The following MAGT1 variants were observed in gnomAD, a reference collection of about 807,000 sequenced individuals.
The protein encoded by MAGT1 is dolichyl-diphosphooligosaccharide--protein glycosyltransferase subunit MAGT1.
MAGT1 carries 4 observed loss-of-function variants against 28.4 expected under a neutral mutation model. The observed-to-expected ratio is 0.14, with a 90% CI of 0.07 to 0.32. The LOEUF is 0.32. Among genes scored for constraint, MAGT1 ranks in the 10% least tolerant of loss-of-function variants. MAGT1 has a pLI of 1.00. For synonymous variants in MAGT1, 89 were observed against 89.7 expected (o/e 0.99, Z 0.04); for missense variants, 193 against 264.5 (o/e 0.73, Z 1.88).
chrX:77,881,430 A>C (rs2077052180), intron 1 of MAGT1, among the ~76,000 whole-genome samples: 7 of 58,753 alleles, frequency 1.2e-4, no homozygotes, highest in East Asian at 6.6e-4. Flanking sequence ...CCACCCCACA[A>C]CAGGCCCCGG....
Position 77,855,608 on chromosome X carries a change from A to T in MAGT1, c.673-18T>A. 1 of 1,104,949 alleles carries T rather than the reference A, an allele frequency of 9.1e-7. No homozygotes were observed. Among genetic ancestry groups the T allele is most frequent in the Non-Finnish European group, 1.3e-6 (1 of 799,508 alleles). 91.1% of individuals were successfully genotyped at this position (1,104,949 alleles called of 1,213,427 possible). A position where few individuals can be genotyped will look rare whatever the true frequency, so the allele number is the denominator to read the frequency against. ...ACAAAACACTAGGAAACAAAAAAATAATAAAATATTCATGGTCAAACTGTT... is the reference window on the plus strand; with the variant it reads ...ACAAAACACTAGGAAACAAAAAAATTATAAAATATTCATGGTCAAACTGTT... On this transcript the variant is annotated intron_variant, in intron 5 of 9. Transcript: ENST00000618282.
chrX:77,884,856 G>T (rs1408479023), intron 1 of MAGT1, among the ~76,000 whole-genome samples: 1 of 108,513 alleles, frequency 9.2e-6, no homozygotes, highest in Non-Finnish European at 1.9e-5. Context: ...AGGCCGAGGC[G>T]GGTGGATCAC....
intron 8 of MAGT1, among the ~76,000 whole-genome samples, chrX:77,840,265 A>G (rs1282632728): frequency 9.4e-6 from 1 of 106,153 alleles, no homozygotes; most frequent in African/African-American, 3.4e-5. Flanking sequence ...AAAGAAAAAA[A>G]AAACCCCAAA....
chrX:77,838,587 G>A (rs1475289661), intron 8 of MAGT1, among the ~76,000 whole-genome samples: 6 of 109,615 alleles, frequency 5.5e-5, no homozygotes, highest in African/African-American at 2.0e-4. Context: ...GTGAAATCCC[G>A]TCTCTACTAA....
chrX:77,874,542 G>A (rs1222094122), intron 2 of MAGT1, among the ~76,000 whole-genome samples: 1 of 103,783 alleles, frequency 9.6e-6, no homozygotes, highest in Non-Finnish European at 2.0e-5. Flanking sequence ...GCTGCAGTGA[G>A]TCAAGATCAC....
rs201786151 is a variant in MAGT1, at chrX:77,834,269, T to TAC, written c.902-3375_902-3374insGT. On this transcript the variant is annotated intron_variant, in intron 8 of 9. Transcript: ENST00000618282. ...GCATATATATACATGTGTGTATATA[T>TAC]GCATATATGTATATATATGCATATA... Among the ~76,000 whole-genome samples the TAC allele has an allele frequency of 3.0e-5, 3 of 98,454 alleles. No homozygotes were observed. The Admixed American group carries it at 3.4e-4, about 11-fold the overall frequency. 85.5% of individuals were successfully genotyped at this position (98,454 alleles called of 115,157 possible). A position where few individuals can be genotyped will look rare whatever the true frequency, so the allele number is the denominator to read the frequency against.
intron 3 of MAGT1, 53 bp downstream of exon 3, chrX:77,870,755 C>T: frequency 1.2e-6 from 1 of 849,578 alleles, no homozygotes; most frequent in East Asian, 3.1e-5. Context: ...ATATATTCCA[C>T]TTTCACTATA....
At chrX:77,890,652 G>A (rs2077079706) in intron 1 of MAGT1, among the ~76,000 whole-genome samples, 1 of 111,954 alleles carries the variant, frequency 8.9e-6, no homozygotes, top group Non-Finnish European at 1.9e-5. Context: ...AAGATCAACT[G>A]CAAAACATTT....
At chrX:77,850,194 G>A (rs1171314785) in intron 7 of MAGT1, among the ~76,000 whole-genome samples, 1 of 110,923 alleles carries the variant, frequency 9.0e-6, no homozygotes, top group Non-Finnish European at 1.9e-5. Context: ...AGAAAGTGGG[G>A]GCCGGGTGAG....
intron 7 of MAGT1, among the ~76,000 whole-genome samples, chrX:77,841,686 T>G (rs2076935126): frequency 9.3e-6 from 1 of 107,467 alleles, no homozygotes. Flanking sequence ...TGGCTTTTTT[T>G]TTTTTTTGAG....
chrX:77,831,081 G>A lies in MAGT1; in HGVS notation c.902-186C>T, dbSNP rs782190279. Among the ~76,000 whole-genome samples the A allele has an allele frequency of 2.7e-5, 3 of 110,245 alleles. No individual in the cohort carries two copies. In the East Asian group the frequency reaches 8.5e-4, roughly 31 times the overall value. On this transcript the variant is annotated intron_variant, in intron 8 of 9. Coordinates refer to ENST00000618282, the MANE Select transcript of MAGT1 (RefSeq NM_001367916.1). ...CGCCCAGGCCGGAGTGCAGCGGCGCGATCTCGGCTCACTGCAAGCTCCGCC... is the reference window on the plus strand; with the variant it reads ...CGCCCAGGCCGGAGTGCAGCGGCGCAATCTCGGCTCACTGCAAGCTCCGCC...
chrX:77,878,786 A>G, intron 1 of MAGT1, among the ~76,000 whole-genome samples: 1 of 98,700 alleles, frequency 1.0e-5, no homozygotes, highest in Admixed American at 1.1e-4. Context: ...GTGAAACTCT[A>G]TCTCAAAAAA....
At chrX:77,883,098 TATA>T (rs1161952410) in intron 1 of MAGT1, among the ~76,000 whole-genome samples, 7 of 102,492 alleles carry the variant, frequency 6.8e-5, no homozygotes, top group African/African-American at 1.4e-4. Context: ...ATTATATTAA[TATA>T]ATAACATAAT....
At chrX:77,889,762 C>T (rs1337766599) in intron 1 of MAGT1, among the ~76,000 whole-genome samples, 3 of 111,873 alleles carry the variant, frequency 2.7e-5, no homozygotes, top group African/African-American at 6.5e-5. Context: ...ATATCCATCT[C>T]CTCAAGCATT....
At chrX:77,861,010 T>C (rs912780994) in intron 3 of MAGT1, among the ~76,000 whole-genome samples, 20 of 108,986 alleles carry the variant, frequency 1.8e-4, no homozygotes, top group African/African-American at 6.7e-4. Flanking sequence ...ACCCCGCCCC[T>C]ACTAAAAATA....
intron 1 of MAGT1, among the ~76,000 whole-genome samples, chrX:77,892,526 G>C (rs1225182884): frequency 1.8e-5 from 2 of 111,760 alleles, no homozygotes; most frequent in Non-Finnish European, 3.8e-5. Context: ...GCTGAACACA[G>C]TGGCTCATGC....
In MAGT1 at chrX:77,881,262, T is replaced by G. The variant is rs184789026; in HGVS notation, c.103-5665A>C. Among the ~76,000 whole-genome samples, 604 of 111,476 alleles carry G rather than the reference T, an allele frequency of 5.4e-3. 2 individuals carry two copies. The highest frequency in any genetic ancestry group is 0.049 in the South Asian group (132 of 2,684). ...ATTAATTTTTGCCATATTTTGTTTT[T>G]TTTATATATAGATATTTATTATACT... is the stretch of plus-strand genomic sequence containing the variant. On this transcript the variant is annotated intron_variant, in intron 1 of 9. Transcript: ENST00000618282.
chrX:77,893,732 A>G (rs2077090578), intron 1 of MAGT1, among the ~76,000 whole-genome samples: 1 of 111,529 alleles, frequency 9.0e-6, no homozygotes, highest in African/African-American at 3.3e-5. Context: ...CCGTTTCTAC[A>G]AAAAGATAAA....
intron 1 of MAGT1, among the ~76,000 whole-genome samples, chrX:77,884,711 A>G (rs1404484750): frequency 9.2e-6 from 1 of 108,752 alleles, no homozygotes; most frequent in Non-Finnish European, 1.9e-5. Flanking sequence ...CCCAGCTGCA[A>G]CAACCAAAAA....
Sources: allele counts gnomAD v4.1 joint callset (sites outside exome capture counted in the v4.1 genomes callset), GRCh38; gene constraint gnomAD v4.1.1; transcripts MANE v1.5; gene names NCBI Gene and HGNC (gene_info 2026-07-23, HGNC 2026-07-21).